Variants in RBM26 observed in about 807,000 individuals in gnomAD.
The protein encoded by RBM26 is RNA-binding protein 26.
RBM26 carries 30 observed loss-of-function variants against 123.6 expected under a neutral mutation model. The observed-to-expected ratio is 0.24, with a 90% CI of 0.18 to 0.33. RBM26 has a LOEUF of 0.33. Among genes scored for constraint, RBM26 ranks in the 10% least tolerant of loss-of-function variants. The pLI, the probability that RBM26 is intolerant of heterozygous loss-of-function variation, is 1.00. For synonymous variants in RBM26, 400 were observed against 404.4 expected (o/e 0.99, Z 0.13); for missense variants, 947 against 1,203.6 (o/e 0.79, Z 3.15).
chr13:79,382,733 T>C (rs2077162038), intron 1 of RBM26, among the ~76,000 whole-genome samples: 1 of 152,152 alleles, frequency 6.6e-6, no homozygotes, highest in South Asian at 2.1e-4. Flanking sequence ...ACATAAATTA[T>C]AAACATGCAA....
intron 1 of RBM26, among the ~76,000 whole-genome samples, chr13:79,389,789 TAAATAATTC>T (rs1256178839): frequency 2.0e-5 from 3 of 152,184 alleles, no homozygotes; most frequent in African/African-American, 7.2e-5. Flanking sequence ...AGGAAGTACT[TAAATAATTC>T]AAGAAAATAA....
intron 1 of RBM26, among the ~76,000 whole-genome samples, chr13:79,394,844 G>A (rs528596360): frequency 4.3e-4 from 65 of 152,298 alleles, no homozygotes; most frequent in African/African-American, 1.3e-3. Flanking sequence ...ACATTGGCCA[G>A]GATGGTCTTG....
At chr13:79,345,286 T>C (rs1007397438) in intron 14 of RBM26, among the ~76,000 whole-genome samples, 2 of 151,852 alleles carry the variant, frequency 1.3e-5, no homozygotes, top group Admixed American at 1.3e-4. Context: ...TGAACTGACC[T>C]TACTCCCCTA....
At chr13:79,381,839 T>C (rs546654093) in intron 1 of RBM26, among the ~76,000 whole-genome samples, 1 of 151,706 alleles carries the variant, frequency 6.6e-6, no homozygotes, top group South Asian at 2.1e-4. Flanking sequence ...TATACTACCA[T>C]ATACAGTTCT....
intron 3 of RBM26, among the ~76,000 whole-genome samples, chr13:79,374,533 T>C (rs1178325714): frequency 3.9e-5 from 6 of 152,112 alleles, no homozygotes; most frequent in Non-Finnish European, 7.4e-5. Flanking sequence ...AGAAATCAAA[T>C]GGAAATCCTA....
intron 14 of RBM26, among the ~76,000 whole-genome samples, chr13:79,348,963 C>T (rs1290297271): frequency 1.3e-5 from 2 of 152,030 alleles, no homozygotes; most frequent in Non-Finnish European, 2.9e-5. Context: ...ATAGAGATGT[C>T]CCTTAACTTA....
chr13:79,369,099 T>C, intron 5 of RBM26, 109 bp from the exon 6 acceptor site: 1 of 609,128 alleles, frequency 1.6e-6, no homozygotes, highest in Non-Finnish European at 2.5e-6. Context: ...AAATTTTAAA[T>C]TTTGCATAAT....
intron 5 of RBM26, among the ~76,000 whole-genome samples, chr13:79,370,339 A>AT: frequency 6.6e-6 from 1 of 152,202 alleles, no homozygotes; most frequent in East Asian, 1.9e-4. Context: ...AAGAAAAAAA[A>AT]TTTTTTAACA....
intron 14 of RBM26, among the ~76,000 whole-genome samples, chr13:79,347,233 G>A (rs950746134): frequency 1.4e-4 from 15 of 110,992 alleles, no homozygotes; most frequent in African/African-American, 5.1e-4. Context: ...ATCCACGAAT[G>A]TGACTCACTA....
chr13:79,386,097 A>T (rs753828330), intron 1 of RBM26, among the ~76,000 whole-genome samples: 12 of 93,084 alleles, frequency 1.3e-4, no homozygotes, highest in South Asian at 2.8e-4. Context: ...TTTTAAAATT[A>T]AAAAAAAAAA....
At chr13:79,327,698 T>C (rs1203804096) in intron 20 of RBM26, among the ~76,000 whole-genome samples, 1 of 152,110 alleles carries the variant, frequency 6.6e-6, no homozygotes, top group Non-Finnish European at 1.5e-5. Flanking sequence ...AAAGATCTCA[T>C]TTAAAATAGC....
At position 79,377,114 on chromosome 13, in the gene RBM26, C is replaced by T. The variant is rs78935391; in HGVS notation, c.327+265G>A. 706 of 327,080 alleles carry T rather than the reference C, an allele frequency of 2.2e-3. 5 individuals are homozygous for T. The highest frequency in any genetic ancestry group is 0.014 in the African/African-American group (666 of 48,480). The allele number at this position is 327,080 out of a possible 1,614,324, so 20.3% of individuals were successfully genotyped here. A position where few individuals can be genotyped will look rare whatever the true frequency, so the allele number is the denominator to read the frequency against. ...AGCACATCCTGTGCAACTCTGAGGA[C>T]TTTGTAAGCTTGTGCTTGTTTTCCA... On this transcript the variant is annotated intron_variant, in intron 3 of 21. Transcript: ENST00000438737.
chr13:79,342,661 T>C lies in RBM26; in HGVS notation c.2427+3A>G. 1.4e-6 allele frequency: 2 copies of C among 1,422,030 alleles called. No individual in the cohort carries two copies. Among genetic ancestry groups the C allele is most frequent in the Non-Finnish European group, 2.0e-6 (2 of 1,021,702 alleles). The allele number at this position is 1,422,030 out of a possible 1,614,324, so 88.1% of individuals were successfully genotyped here. ...TAATATGAACAACAATGAAATTAAA[T>C]ACCTGAGTCTTGGTTTTTATACTTT... On this transcript the variant is annotated splice_donor_region_variant and intron_variant, in intron 17 of 21. Coordinates refer to ENST00000438737, the MANE Select transcript of RBM26 (RefSeq NM_001366735.2).
At chr13:79,315,013 T>C, downstream of RBM26, 1 of 1,289,912 alleles carries the variant, frequency 7.8e-7, no homozygotes, top group South Asian at 1.3e-5. Context: ...GAGAAGACTA[T>C]TAAAAAAAAC....
downstream of RBM26, among the ~76,000 whole-genome samples, chr13:79,318,069 T>C (rs984531977): frequency 2.6e-5 from 4 of 151,514 alleles, no homozygotes; most frequent in African/African-American, 9.7e-5. Context: ...ATGTAAGTAC[T>C]GTAACAGAGA....
chr13:79,399,198 C>A (rs2078853639), intron 1 of RBM26, among the ~76,000 whole-genome samples: 2 of 152,144 alleles, frequency 1.3e-5, no homozygotes, highest in African/African-American at 4.8e-5. Flanking sequence ...TGATCTTTGA[C>A]TTCAACACAA....
At chr13:79,394,126 C>A (rs981140894) in intron 1 of RBM26, among the ~76,000 whole-genome samples, 7 of 152,216 alleles carry the variant, frequency 4.6e-5, no homozygotes, top group Non-Finnish European at 1.0e-4. Context: ...CCTACCAGCT[C>A]AAATGACCTC....
At chr13:79,353,856 G>A (rs546878507) in intron 13 of RBM26, among the ~76,000 whole-genome samples, 1 of 152,260 alleles carries the variant, frequency 6.6e-6, no homozygotes, top group South Asian at 2.1e-4. Flanking sequence ...TGAGAATGTA[G>A]AAACAAGAAA....
At chr13:79,355,473 C>T in intron 11 of RBM26, 89 bp from the exon 12 acceptor site, 2 of 934,926 alleles carry the variant, frequency 2.1e-6, no homozygotes, top group Non-Finnish European at 3.2e-6. Context: ...AATACTGGTC[C>T]TTCCAAGTAA....
Sources: gnomAD v4.1 joint callset for allele counts (sites outside exome capture counted in the v4.1 genomes callset) on GRCh38, gnomAD v4.1.1 for gene constraint, MANE v1.5 for transcripts, NCBI Gene and HGNC (gene_info 2026-07-23, HGNC 2026-07-21) for gene names.